The following AGBL4 variants were observed in gnomAD, a reference collection of about 807,000 sequenced individuals.
The protein encoded by AGBL4 is cytosolic carboxypeptidase 6.
A neutral mutation model predicts 66.4 loss-of-function variants in AGBL4; 58 were observed. That is an observed-to-expected ratio of 0.87 (90% CI 0.71 to 1.09). The LOEUF is 1.09. AGBL4 is among the 50% of genes least tolerant of loss of function. AGBL4 has a pLI of 0.00. For synonymous variants in AGBL4, 234 were observed against 222.9 expected, an observed-to-expected ratio of 1.05 and a Z score of -0.44; for missense variants, 579 against 631.0, an observed-to-expected ratio of 0.92 and a Z score of 0.88.
intron 5 of AGBL4, among the ~76,000 whole-genome samples, chr1:48,914,784 G>A (rs1220077266): frequency 6.6e-6 from 1 of 152,178 alleles, no homozygotes; most frequent in Non-Finnish European, 1.5e-5. Context: ...TTAGTGCAGA[G>A]GCAAGACAAG....
At chr1:49,485,387 C>G (rs1647044010) in intron 3 of AGBL4, among the ~76,000 whole-genome samples, 1 of 139,732 alleles carries the variant, frequency 7.2e-6, no homozygotes, top group East Asian at 2.1e-4. Context: ...TGTTCTCACT[C>G]ATAGGTGGGA....
At chr1:49,161,019 C>G (rs931485648) in intron 4 of AGBL4, among the ~76,000 whole-genome samples, 1 of 152,144 alleles carries the variant, frequency 6.6e-6, no homozygotes, top group Non-Finnish European at 1.5e-5. Flanking sequence ...AGCTAGACCA[C>G]TTGGCTCCCT....
chr1:49,103,010 G>A (rs969768792), intron 4 of AGBL4, among the ~76,000 whole-genome samples: 4 of 152,154 alleles, frequency 2.6e-5, no homozygotes, highest in Non-Finnish European at 5.9e-5. Flanking sequence ...GTGGTTAGCA[G>A]TTCTCACATA....
chr1:49,306,710 G>A (rs1644854346), intron 3 of AGBL4, among the ~76,000 whole-genome samples: 1 of 152,164 alleles, frequency 6.6e-6, no homozygotes, highest in Non-Finnish European at 1.5e-5. Flanking sequence ...GGTTTTCCTA[G>A]AAGCATGTGT....
chr1:49,426,696 A>G (rs751528442), intron 3 of AGBL4, among the ~76,000 whole-genome samples: 1 of 152,204 alleles, frequency 6.6e-6, no homozygotes, highest in Non-Finnish European at 1.5e-5. Context: ...AATTCTATGA[A>G]GTAGGTACTA....
chr1:49,783,979 G>A (rs1232307266), intron 2 of AGBL4, among the ~76,000 whole-genome samples: 1 of 152,044 alleles, frequency 6.6e-6, no homozygotes, highest in Non-Finnish European at 1.5e-5. Flanking sequence ...ACAAAATATT[G>A]TGAAAAGTAA....
chr1:49,195,097 C>T (rs1366262053), intron 4 of AGBL4, among the ~76,000 whole-genome samples: 1 of 152,060 alleles, frequency 6.6e-6, no homozygotes, highest in Non-Finnish European at 1.5e-5. Flanking sequence ...CCACTTCCAC[C>T]TTCCAAAATG....
At chr1:49,598,631 G>T (rs1278534408) in intron 3 of AGBL4, among the ~76,000 whole-genome samples, 2 of 152,092 alleles carry the variant, frequency 1.3e-5, no homozygotes, top group Non-Finnish European at 2.9e-5. Flanking sequence ...CCCTACTGGG[G>T]GGTGCCTCCC....
At chr1:49,283,502 G>A (rs1570330633) in intron 3 of AGBL4, among the ~76,000 whole-genome samples, 1 of 152,336 alleles carries the variant, frequency 6.6e-6, no homozygotes, top group East Asian at 1.9e-4. Context: ...ACCAGCAACG[G>A]AACAAAGCTG....
intron 5 of AGBL4, among the ~76,000 whole-genome samples, chr1:48,997,495 A>C (rs981643383): frequency 6.6e-6 from 1 of 152,148 alleles, no homozygotes; most frequent in Non-Finnish European, 1.5e-5. Context: ...GTTTAGAAAA[A>C]CACGCAGCAT....
chr1:48,796,397 T>C (rs1225152233), intron 6 of AGBL4, among the ~76,000 whole-genome samples: 1 of 152,176 alleles, frequency 6.6e-6, no homozygotes, highest in East Asian at 1.9e-4. Flanking sequence ...AATTCCTCAA[T>C]TAAAATAGGT....
intron 3 of AGBL4, among the ~76,000 whole-genome samples, chr1:49,492,325 G>T (rs1021339849): frequency 6.6e-6 from 1 of 151,880 alleles, no homozygotes; most frequent in Non-Finnish European, 1.5e-5. Context: ...AAAATGGGCT[G>T]ATTGATGTTC....
chr1:49,610,737 TG>T (rs1286000555), intron 3 of AGBL4, among the ~76,000 whole-genome samples: 1 of 152,152 alleles, frequency 6.6e-6, no homozygotes, highest in African/African-American at 2.4e-5. Flanking sequence ...ACCTTGAGCT[TG>T]GATTTCACAG....
At chr1:50,010,401 T>C (rs1328920545) in intron 1 of AGBL4, among the ~76,000 whole-genome samples, 1 of 151,956 alleles carries the variant, frequency 6.6e-6, no homozygotes, top group African/African-American at 2.4e-5. Flanking sequence ...ATGCAATCTC[T>C]ATCAAAATAT....
Position 49,289,970 on chromosome 1 carries a change from G to T in AGBL4, c.283-44106C>A, listed in dbSNP as rs145889008. 5.0e-4 allele frequency among the ~76,000 whole-genome samples: 76 copies of T among 152,016 alleles called. 1 individual carries two copies. Among genetic ancestry groups the T allele is most frequent in the African/African-American group, 1.8e-3 (75 of 41,484 alleles). ...CCCTAGAAGGCAGTTTAATAAAAAG[G>T]GTGAAATATATGAAGTATCAATATT... On this transcript the variant is annotated intron_variant, in intron 3 of 13. Transcript: ENST00000371839.
intron 3 of AGBL4, among the ~76,000 whole-genome samples, chr1:49,654,838 C>A (rs1487335129): frequency 6.6e-6 from 1 of 152,268 alleles, no homozygotes; most frequent in Non-Finnish European, 1.5e-5. Context: ...AGATCGGTTT[C>A]CTGAATACAG....
intron 6 of AGBL4, among the ~76,000 whole-genome samples, chr1:48,825,957 C>T (rs181784596): frequency 1.5e-4 from 23 of 152,236 alleles, no homozygotes; most frequent in Admixed American, 3.9e-4. Flanking sequence ...TTTCAGACTC[C>T]GTGGCTTTGC....
At chr1:48,554,068 G>A (rs1644286970) in intron 11 of AGBL4, among the ~76,000 whole-genome samples, 1 of 152,194 alleles carries the variant, frequency 6.6e-6, no homozygotes, top group South Asian at 2.1e-4. Context: ...GCCATTCTGT[G>A]GGTGAGAATT....
chr1:49,956,984 G>C (rs1269487067), intron 1 of AGBL4, among the ~76,000 whole-genome samples: 2 of 151,888 alleles, frequency 1.3e-5, no homozygotes, highest in East Asian at 3.9e-4. Context: ...AGAAGTAGGA[G>C]AACAATCCAA....
Sources: gnomAD v4.1 joint callset for allele counts (sites outside exome capture counted in the v4.1 genomes callset) on GRCh38, gnomAD v4.1.1 for gene constraint, MANE v1.5 for transcripts, NCBI Gene and HGNC (gene_info 2026-07-23, HGNC 2026-07-21) for gene names.